The following EFHC1 variants were observed in gnomAD, a reference collection of about 807,000 sequenced individuals.
EFHC1 encodes EF-hand domain containing 1.
Under a neutral mutation model 69.9 loss-of-function variants are expected in EFHC1, and 53 were observed. That is an observed-to-expected ratio of 0.76 (90% CI 0.61 to 0.95). The LOEUF is 0.95. Ranked by LOEUF, EFHC1 falls within the 40% of genes least tolerant of loss-of-function variation. The probability of loss-of-function intolerance (pLI) is 0.00; values close to 1 mark genes in which losing one functional copy is unlikely to be tolerated. For missense variants in EFHC1, 739 were observed against 798.7 expected (o/e 0.93, Z 0.90); for synonymous variants, 256 against 278.4 (o/e 0.92, Z 0.80).
intron 5 of EFHC1, among the ~76,000 whole-genome samples, chr6:52,461,875 AT>A (rs1765175737): frequency 6.6e-6 from 1 of 152,200 alleles, no homozygotes; most frequent in African/African-American, 2.4e-5. Context: ...TTGCAAGAAT[AT>A]TTTATTTACT....
In EFHC1 at chr6:52,493,720, C is replaced by A. The variant is rs778850441; in HGVS notation, c.*1379C>A. 2.0e-5 allele frequency: 9 copies of A among 453,808 alleles called. No homozygotes were observed. The highest frequency in any genetic ancestry group is 1.4e-4 in the South Asian group (9 of 64,458). 28.1% of individuals were successfully genotyped at this position (453,808 alleles called of 1,614,324 possible). On this transcript the variant is annotated 3_prime_UTR_variant, in exon 11 of 11. Coordinates refer to ENST00000371068, the MANE Select transcript of EFHC1 (RefSeq NM_018100.4). Reference sequence around the variant, plus strand: ...CTGGCCTTGAGAGAGGAAGGAAAGACTAGTTGCAGTTACTATTCTCTGGTG... The same window carrying A: ...CTGGCCTTGAGAGAGGAAGGAAAGAATAGTTGCAGTTACTATTCTCTGGTG...
chr6:52,468,613 A>G (rs1160937649), intron 6 of EFHC1: 2 of 152,704 alleles, frequency 1.3e-5, no homozygotes, highest in African/African-American at 2.4e-5. Context: ...TACAAGTGCA[A>G]AGCAAGTTCA....
chr6:52,485,675 A>T (rs1399480405), intron 9 of EFHC1: 1 of 151,508 alleles, frequency 6.6e-6, no homozygotes, highest in Non-Finnish European at 1.5e-5. Flanking sequence ...GGCACCACCT[A>T]CTCTCTCTCT....
At chr6:52,457,963 C>T (rs566158993) in intron 5 of EFHC1, among the ~76,000 whole-genome samples, 2 of 152,296 alleles carry the variant, frequency 1.3e-5, no homozygotes, top group South Asian at 4.1e-4. Flanking sequence ...TCTGAAACTA[C>T]TATAAGCCCC....
intron 10 of EFHC1, 117 bp downstream of exon 10, chr6:52,490,467 C>A: frequency 2.4e-6 from 2 of 841,898 alleles, no homozygotes; most frequent in Non-Finnish European, 3.9e-6. Context: ...ATGTTCAGAT[C>A]AGATCTACTA....
intron 7 of EFHC1, among the ~76,000 whole-genome samples, chr6:52,473,460 G>A (rs572091169): frequency 2.6e-5 from 4 of 151,936 alleles, no homozygotes; most frequent in South Asian, 2.1e-4. Flanking sequence ...TTATTTAGTC[G>A]GATACAAAAA....
At chr6:52,486,155 C>T (rs1172680205) in intron 9 of EFHC1, 1 of 152,192 alleles carries the variant, frequency 6.6e-6, no homozygotes, top group Non-Finnish European at 1.5e-5. Flanking sequence ...ATCATGAGTA[C>T]TTGTCAGACC....
intron 9 of EFHC1, chr6:52,487,430 C>G (rs1039360134): frequency 2.0e-5 from 3 of 152,120 alleles, no homozygotes; most frequent in African/African-American, 7.2e-5. Flanking sequence ...TTTTGCTTGC[C>G]TTCTCTAAAC....
intron 5 of EFHC1, among the ~76,000 whole-genome samples, chr6:52,455,837 T>C (rs978607400): frequency 3.9e-5 from 6 of 152,160 alleles, no homozygotes; most frequent in African/African-American, 1.4e-4. Context: ...GTTTCCATCA[T>C]TGAGAGAATG....
intron 6 of EFHC1, among the ~76,000 whole-genome samples, chr6:52,466,402 AT>A (rs1175494960): frequency 6.6e-6 from 1 of 152,108 alleles, no homozygotes; most frequent in Non-Finnish European, 1.5e-5. Flanking sequence ...CTTTTCTGTT[AT>A]TCTTACATGC....
rs2113979308 is a variant in EFHC1 at position 52,438,375 on chromosome 6, G to A, written c.357G>A (p.Gln119=). Residue 119 remains glutamine, a synonymous_variant, in exon 3 of 11, where the codon CAG becomes CAA. Transcript: ENST00000371068. ...MSTEEQYRIR[Q]VNIYYYLEDD... ...CTGAGGAACAGTATAGGATCCGTCAGGTGAACATTTACTATTATCTAGAAG... is the reference window on the plus strand; with the variant it reads ...CTGAGGAACAGTATAGGATCCGTCAAGTGAACATTTACTATTATCTAGAAG... The A allele has an allele frequency of 1.2e-6, 2 of 1,613,918 alleles. No individual in the cohort carries two copies. Among genetic ancestry groups the A allele is most frequent in the Non-Finnish European group, 1.7e-6 (2 of 1,179,950 alleles).
chr6:52,490,333 G>C lies in EFHC1; in HGVS notation c.1834G>C (p.Asp612His), dbSNP rs1331948538. 6.2e-6 allele frequency: 10 copies of C among 1,613,934 alleles called. No individual in the cohort carries two copies. Among genetic ancestry groups the C allele is most frequent in the Non-Finnish European group, 6.8e-6 (8 of 1,179,944 alleles). Residue 612 changes from aspartate to histidine, a missense_variant, in exon 10 of 11, where the codon GAC (aspartate) becomes CAC (histidine). Transcript: ENST00000371068. ...TGAATCGCTTAACGTCCCAGTGGAT[G>C]ACTCCTTGGTTAAGGAGGTCAGTAT... is the stretch of plus-strand genomic sequence containing the variant. Reference protein sequence around the residue: ...ICESLNVPVDDSLVKELIRMC... With the variant: ...ICESLNVPVDHSLVKELIRMC...
At chr6:52,439,298 A>G (rs1035576061) in intron 3 of EFHC1, among the ~76,000 whole-genome samples, 18 of 152,160 alleles carry the variant, frequency 1.2e-4, no homozygotes, top group African/African-American at 2.7e-4. Flanking sequence ...GAAGTATTTT[A>G]TGTCCCTATT....
intron 2 of EFHC1, among the ~76,000 whole-genome samples, chr6:52,434,141 C>G (rs1764475406): frequency 6.6e-6 from 1 of 152,172 alleles, no homozygotes; most frequent in Non-Finnish European, 1.5e-5. Flanking sequence ...TTTCCTTCTT[C>G]CCCCACCTGT....
rs114190591 is a variant in EFHC1 at position 52,468,812 on chromosome 6, C to T, written c.1138-521C>T. The T allele has an allele frequency of 5.1e-3, 845 of 164,542 alleles. 7 individuals are homozygous for T. The highest frequency in any genetic ancestry group is 0.019 in the African/African-American group (791 of 41,630). The allele number at this position is 164,542 out of a possible 1,614,324, so 10.2% of individuals were successfully genotyped here. ...ACTAGTCATATTCTAGCCATGATTA[C>T]CACATTAACTACAGTCCCAGCAAGT... is the stretch of plus-strand genomic sequence containing the variant. On this transcript the variant is annotated intron_variant, in intron 6 of 10. Coordinates refer to ENST00000371068, the MANE Select transcript of EFHC1 (RefSeq NM_018100.4).
intron 3 of EFHC1, 105 bp from the exon 4 acceptor site, chr6:52,452,583 T>C: frequency 7.4e-7 from 1 of 1,358,170 alleles, no homozygotes; most frequent in Non-Finnish European, 1.0e-6. Context: ...ATTGTAGGCC[T>C]GAGCCACAGT....
At chr6:52,462,462 G>T (rs1360947474) in intron 5 of EFHC1, among the ~76,000 whole-genome samples, 2 of 151,972 alleles carry the variant, frequency 1.3e-5, no homozygotes, top group Admixed American at 6.6e-5. Context: ...TAAAGAAATT[G>T]AAAACAAAGG....
chr6:52,485,294 A>G (rs958618697), intron 9 of EFHC1: 1 of 152,226 alleles, frequency 6.6e-6, no homozygotes, highest in African/African-American at 2.4e-5. Context: ...TTCTTGCTTC[A>G]GCATACCACT....
Position 52,438,308 on chromosome 6 carries a change from T to G in EFHC1, c.290T>G (p.Leu97Arg). 6.2e-7 allele frequency: 1 copy of G among 1,612,728 alleles called. No individual in the cohort carries two copies. The highest frequency in any genetic ancestry group is 8.5e-7 in the Non-Finnish European group (1 of 1,179,406). Reference sequence around the variant, plus strand: ...TCCTTTCCTTGTATGTTATAGGTACTGAAATTTGATGCCTATTTCCAAGAA... The same window carrying G: ...TCCTTTCCTTGTATGTTATAGGTACGGAAATTTGATGCCTATTTCCAAGAA... ...PAHVAFDKKV[L>R]KFDAYFQEDV... Residue 97 changes from leucine to arginine, a missense_variant, in exon 3 of 11, where the codon CTG becomes CGG. Coordinates refer to ENST00000371068, the MANE Select transcript of EFHC1 (RefSeq NM_018100.4).
Sources: gnomAD v4.1 joint callset for allele counts (sites outside exome capture counted in the v4.1 genomes callset) on GRCh38, gnomAD v4.1.1 for gene constraint, MANE v1.5 for transcripts, NCBI Gene and HGNC (gene_info 2026-07-23, HGNC 2026-07-21) for gene names.